The following RBM27 variants were observed in gnomAD, a reference collection of about 807,000 sequenced individuals.
RBM27 encodes the protein RNA-binding protein 27.
Under a neutral mutation model 135.3 loss-of-function variants are expected in RBM27, and 22 were observed. That is an observed-to-expected ratio of 0.16 (90% CI 0.12 to 0.23). RBM27 has a LOEUF of 0.23. Among genes scored for constraint, RBM27 ranks in the 10% least tolerant of loss-of-function variants. RBM27 has a pLI of 1.00. For synonymous variants in RBM27, 481 were observed against 442.4 expected, an observed-to-expected ratio of 1.09 and a Z score of -1.10; for missense variants, 1,009 against 1,281.0, an observed-to-expected ratio of 0.79 and a Z score of 3.24.
intron 8 of RBM27, among the ~76,000 whole-genome samples, chr5:146,237,673 T>C (rs1282204774): frequency 6.6e-6 from 1 of 152,066 alleles, no homozygotes; most frequent in Non-Finnish European, 1.5e-5. Flanking sequence ...TGCCATGGAG[T>C]AGCAACATTT....
intron 1 of RBM27, among the ~76,000 whole-genome samples, chr5:146,218,411 T>TA (rs1268350637): frequency 5.3e-5 from 8 of 152,240 alleles, no homozygotes; most frequent in African/African-American, 1.9e-4. Flanking sequence ...CTTTCTTTCT[T>TA]ACAGCTGCTA....
At chr5:146,270,861 A>G in intron 17 of RBM27, 93 bp from the exon 18 acceptor site, 1 of 767,728 alleles carries the variant, frequency 1.3e-6, no homozygotes, top group South Asian at 1.8e-5. Flanking sequence ...TCATGTTCCA[A>G]AATACATGTG....
chr5:146,257,620 G>A (rs1261690723), intron 10 of RBM27, among the ~76,000 whole-genome samples: 1 of 152,008 alleles, frequency 6.6e-6, no homozygotes, highest in Non-Finnish European at 1.5e-5. Context: ...TTATATCTAA[G>A]AATAAGACAG....
chr5:146,221,177 A>G (rs1291208846), intron 2 of RBM27, among the ~76,000 whole-genome samples: 1 of 152,096 alleles, frequency 6.6e-6, no homozygotes, highest in Non-Finnish European at 1.5e-5. Flanking sequence ...AAAGGATTTT[A>G]GTAATTAAAA....
chr5:146,274,249 T>G (rs1007193590), intron 19 of RBM27, among the ~76,000 whole-genome samples: 4 of 151,742 alleles, frequency 2.6e-5, no homozygotes, highest in Admixed American at 6.6e-5. Context: ...GTGGTTATCT[T>G]TTTTTTGTTT....
Position 146,203,656 on chromosome 5 carries a change from C to T in RBM27, c.-110C>T, listed in dbSNP as rs1170510493. On this transcript the variant is annotated 5_prime_UTR_variant, in exon 1 of 21. Transcript: ENST00000265271. ...AGTAGGTTGAAGTCTCCTAAGATGC[C>T]CGGTGGGCTGGGGCACCGGGAGCTG... The T allele has an allele frequency of 3.9e-6, 4 of 1,019,446 alleles. No homozygotes were observed. In the South Asian group the frequency reaches 4.2e-5, roughly 11 times the overall value. The allele number at this position is 1,019,446 out of a possible 1,614,324, so 63.2% of individuals were successfully genotyped here.
At chr5:146,277,538 T>A (rs2126903318) in intron 19 of RBM27, among the ~76,000 whole-genome samples, 1 of 149,540 alleles carries the variant, frequency 6.7e-6, no homozygotes, top group South Asian at 2.2e-4. Flanking sequence ...TTTTTTTTTT[T>A]TTGAGACGGA....
rs1759621212 is a variant in RBM27 at position 146,287,261 on chromosome 5, C to T, written c.*1231C>T. The T allele has an allele frequency of 6.6e-6, 1 of 152,190 alleles. No individual in the cohort carries two copies. The highest frequency in any genetic ancestry group is 1.5e-5 in the Non-Finnish European group (1 of 67,994). The allele number at this position is 152,190 out of a possible 1,614,324, so 9.4% of individuals were successfully genotyped here. On this transcript the variant is annotated 3_prime_UTR_variant, in exon 21 of 21. Transcript: ENST00000265271. ...TTGCTATCCATGAACATACGCATCC[C>T]TCAGTAGACAGTTTCCTTTACTGTG...
rs1220831973 is a variant in RBM27, at chr5:146,288,251, C to G, written c.*2221C>G. 2.0e-5 allele frequency: 3 copies of G among 151,884 alleles called. No individual in the cohort carries two copies. The highest frequency in any genetic ancestry group is 4.4e-5 in the Non-Finnish European group (3 of 67,910). The allele number at this position is 151,884 out of a possible 1,614,324, so 9.4% of individuals were successfully genotyped here. On this transcript the variant is annotated 3_prime_UTR_variant, in exon 21 of 21. Coordinates refer to ENST00000265271, the MANE Select transcript of RBM27 (RefSeq NM_018989.2). ...CTCAAAATGGACATCTTATTTCACT[C>G]TCAGTAAAAAGTTGAAAATTTGACT...
chr5:146,251,957 C>T, intron 9 of RBM27, 82 bp downstream of exon 9: 2 of 1,408,618 alleles, frequency 1.4e-6, no homozygotes, highest in South Asian at 2.5e-5. Context: ...ACCTGGCATC[C>T]TGATCTGCTG....
chr5:146,224,855 A>G (rs1756600980), intron 3 of RBM27, among the ~76,000 whole-genome samples: 1 of 152,100 alleles, frequency 6.6e-6, no homozygotes, highest in Non-Finnish European at 1.5e-5. Context: ...AGATATACTT[A>G]CTGAAAATTT....
At chr5:146,216,684 G>T (rs981755531) in intron 1 of RBM27, among the ~76,000 whole-genome samples, 1 of 151,978 alleles carries the variant, frequency 6.6e-6, no homozygotes, top group African/African-American at 2.4e-5. Flanking sequence ...TTGAGACAGG[G>T]TCTCACTGTG....
intron 19 of RBM27, among the ~76,000 whole-genome samples, chr5:146,279,888 C>G (rs1342803695): frequency 6.6e-6 from 1 of 151,044 alleles, no homozygotes. Context: ...AAAAGATAGT[C>G]ACTATTCTTA....
At chr5:146,216,266 G>T (rs1329937438) in intron 1 of RBM27, among the ~76,000 whole-genome samples, 1 of 152,064 alleles carries the variant, frequency 6.6e-6, no homozygotes, top group Non-Finnish European at 1.5e-5. Flanking sequence ...AAAACTTCTG[G>T]ACTCAAGCGA....
At chr5:146,212,786 T>G (rs1305168144) in intron 1 of RBM27, among the ~76,000 whole-genome samples, 4 of 152,024 alleles carry the variant, frequency 2.6e-5, no homozygotes, top group Admixed American at 2.0e-4. Flanking sequence ...CTCAGTTCAC[T>G]GCAACCTCCG....
chr5:146,208,042 T>C (rs1304453331), intron 1 of RBM27, among the ~76,000 whole-genome samples: 1 of 147,712 alleles, frequency 6.8e-6, no homozygotes, highest in Non-Finnish European at 1.5e-5. Context: ...CTGCAACTTC[T>C]GCCTCCCGGG....
intron 1 of RBM27, among the ~76,000 whole-genome samples, chr5:146,209,990 T>A (rs1755865425): frequency 6.6e-6 from 1 of 152,238 alleles, no homozygotes; most frequent in Non-Finnish European, 1.5e-5. Flanking sequence ...TTTTTAGCCC[T>A]GTGTTTCTTG....
intron 8 of RBM27, among the ~76,000 whole-genome samples, chr5:146,245,463 G>C (rs1757587373): frequency 6.6e-6 from 1 of 152,182 alleles, no homozygotes; most frequent in Non-Finnish European, 1.5e-5. Context: ...CTGGATTCTA[G>C]AGACTGATTC....
intron 19 of RBM27, among the ~76,000 whole-genome samples, chr5:146,273,817 G>A (rs1269723766): frequency 6.6e-6 from 1 of 152,116 alleles, no homozygotes; most frequent in Non-Finnish European, 1.5e-5. Flanking sequence ...GAAGCTATTT[G>A]GAATCTAATT....
Sources: allele counts gnomAD v4.1 joint callset (sites outside exome capture counted in the v4.1 genomes callset), GRCh38; gene constraint gnomAD v4.1.1; transcripts MANE v1.5; gene names NCBI Gene and HGNC (gene_info 2026-07-23, HGNC 2026-07-21).